Variants in GATAD2A observed in about 807,000 individuals in gnomAD.
GATAD2A encodes the protein GATA zinc finger domain containing 2A.
GATAD2A carries 12 observed loss-of-function variants against 68.5 expected under a neutral mutation model. The observed-to-expected ratio is 0.18, with a 90% CI of 0.11 to 0.28. The LOEUF is 0.28. GATAD2A is among the 10% of genes least tolerant of loss of function. GATAD2A has a pLI of 1.00. For missense variants in GATAD2A, 755 were observed against 868.5 expected (o/e 0.87, Z 1.64); for synonymous variants, 410 against 375.3 (o/e 1.09, Z -1.07).
intron 1 of GATAD2A, chr19:19,458,650 AG>A (rs1159313347): frequency 2.0e-5 from 3 of 152,024 alleles, no homozygotes; most frequent in African/African-American, 7.2e-5. Context: ...CCACTCAGGG[AG>A]GCTTGTGGCC....
intron 2 of GATAD2A, among the ~76,000 whole-genome samples, chr19:19,475,760 CTCCTTGTTCTCT>C (rs2058637888): frequency 6.6e-6 from 1 of 152,208 alleles, no homozygotes; most frequent in African/African-American, 2.4e-5. Flanking sequence ...CGTCTGTCTC[CTCCTTGTTCTCT>C]ATGTCACCCC....
At chr19:19,406,712 G>A (rs1448242019) in intron 1 of GATAD2A, among the ~76,000 whole-genome samples, 1 of 152,198 alleles carries the variant, frequency 6.6e-6, no homozygotes, top group Non-Finnish European at 1.5e-5. Flanking sequence ...GACAGCAGCA[G>A]CTGGCCTTTT....
chr19:19,504,641 T>C (rs1034376893), intron 11 of GATAD2A, among the ~76,000 whole-genome samples: 6 of 77,840 alleles, frequency 7.7e-5, no homozygotes, highest in African/African-American at 5.1e-4. Flanking sequence ...TTTTTTTTCC[T>C]TTTTTTTTTT....
intron 1 of GATAD2A, chr19:19,440,114 T>C (rs752707804): frequency 2.2e-5 from 9 of 405,106 alleles, no homozygotes; most frequent in Admixed American, 3.1e-5. Context: ...GAGTAGGTGA[T>C]GTCTTCATTT....
At chr19:19,435,653 C>T (rs1364338980) in intron 1 of GATAD2A, among the ~76,000 whole-genome samples, 1 of 152,098 alleles carries the variant, frequency 6.6e-6, no homozygotes, top group Non-Finnish European at 1.5e-5. Context: ...AGTTTGAGAC[C>T]AGCCTGGCCA....
chr19:19,388,675 A>G (rs772277805), intron 1 of GATAD2A, among the ~76,000 whole-genome samples: 2 of 151,960 alleles, frequency 1.3e-5, no homozygotes, highest in Non-Finnish European at 2.9e-5. Context: ...GACAAGGGAG[A>G]AACATTGTAT....
chr19:19,433,888 C>A (rs999907906), intron 1 of GATAD2A, among the ~76,000 whole-genome samples: 1 of 152,188 alleles, frequency 6.6e-6, no homozygotes, highest in Non-Finnish European at 1.5e-5. Flanking sequence ...CCCACCTCAA[C>A]CTGAGAAGTA....
rs897776153 is a variant in GATAD2A at position 19,508,381 on chromosome 19, G to A, written c.*2907G>A. On this transcript the variant is annotated 3_prime_UTR_variant, in exon 12 of 12. Transcript: ENST00000683918. ...GAGGTCTGTAGCGGCCCTTCTCAGA[G>A]TGGAACAGCCCACAGTGCTAGTTGT... is the stretch of plus-strand genomic sequence containing the variant. The A allele has an allele frequency of 5.3e-5, 8 of 152,302 alleles. No homozygotes were observed. Among genetic ancestry groups the A allele is most frequent in the African/African-American group, 1.9e-4 (8 of 41,466 alleles). 9.4% of individuals were successfully genotyped at this position (152,302 alleles called of 1,614,324 possible). A position where few individuals can be genotyped will look rare whatever the true frequency, so the allele number is the denominator to read the frequency against.
chr19:19,495,810 G>A lies in GATAD2A; in HGVS notation c.681G>A (p.Gly227=), dbSNP rs1488993604. ...TACCCCCGCCCCTGGTCCGAGGTGG[G>A]CAGCAGGCGTCCTCGAAGCTGGGGC... ...SVIPPPLVRG[G]QQASSKLGPQ... The change falls in exon 6 of 12, where the codon GGG becomes GGA. Residue 227 remains glycine (G), a synonymous_variant. Transcript: ENST00000683918. 1 of 1,613,702 alleles carries A rather than the reference G, an allele frequency of 6.2e-7. No homozygotes were observed. Among genetic ancestry groups the A allele is most frequent in the East Asian group, 2.2e-5 (1 of 44,874 alleles).
intron 2 of GATAD2A, among the ~76,000 whole-genome samples, chr19:19,488,817 G>C (rs1256011649): frequency 1.3e-5 from 2 of 152,274 alleles, no homozygotes; most frequent in South Asian, 4.1e-4. Flanking sequence ...TTACATTAAG[G>C]CTTCTCAAGA....
At position 19,502,511 on chromosome 19, in the gene GATAD2A, A is replaced by G. The variant is rs142116086; in HGVS notation, c.1759A>G (p.Thr587Ala). The G allele has an allele frequency of 4.7e-5, 75 of 1,611,640 alleles. No individual in the cohort carries two copies. The highest frequency in any genetic ancestry group is 6.0e-5 in the Non-Finnish European group (71 of 1,178,994). The change falls in exon 11 of 12, where the codon ACG (threonine) becomes GCG (alanine). Residue 587 changes from threonine (T) to alanine (A), a missense_variant. Thr to Ala is a moderately conservative substitution (Grantham distance 58, BLOSUM62 0). Transcript: ENST00000683918. ...KGSATSNWKKTPLSTGGTLAF... is the reference protein window; with the variant it reads ...KGSATSNWKKAPLSTGGTLAF... Reference sequence around the variant, plus strand: ...CAGCGCCACCTCCAACTGGAAGAAGACGCCCCTCAGCACAGGTGGGTGACC... The same window carrying G: ...CAGCGCCACCTCCAACTGGAAGAAGGCGCCCCTCAGCACAGGTGGGTGACC...
At chr19:19,453,786 C>G (rs910216267) in intron 1 of GATAD2A, among the ~76,000 whole-genome samples, 1 of 151,638 alleles carries the variant, frequency 6.6e-6, no homozygotes, top group African/African-American at 2.4e-5. Flanking sequence ...AAGCAGTTCT[C>G]CCGAGTAGCT....
chr19:19,440,022 G>A (rs1328128971), intron 1 of GATAD2A: 4 of 199,262 alleles, frequency 2.0e-5, no homozygotes, highest in Non-Finnish European at 4.1e-5. Flanking sequence ...TGACTTAGAT[G>A]TGTCAGTGTT....
intron 8 of GATAD2A, 106 bp downstream of exon 8, chr19:19,498,828 G>C: frequency 1.0e-6 from 1 of 988,256 alleles, no homozygotes; most frequent in Non-Finnish European, 1.5e-6. Context: ...GGGCTGCCTA[G>C]CCAGGATGGT....
At chr19:19,435,490 G>A (rs1340870725) in intron 1 of GATAD2A, among the ~76,000 whole-genome samples, 1 of 152,242 alleles carries the variant, frequency 6.6e-6, no homozygotes, top group Non-Finnish European at 1.5e-5. Flanking sequence ...CTCCCAAAGT[G>A]TTGGGACTAC....
intron 1 of GATAD2A, among the ~76,000 whole-genome samples, chr19:19,399,041 AGAGT>A (rs2049496284): frequency 6.6e-6 from 1 of 150,928 alleles, no homozygotes; most frequent in South Asian, 2.1e-4. Flanking sequence ...CCTGGGCGAC[AGAGT>A]GAGACTCCGT....
intron 1 of GATAD2A, among the ~76,000 whole-genome samples, chr19:19,442,945 G>A (rs543482273): frequency 6.6e-6 from 1 of 152,186 alleles, no homozygotes; most frequent in Admixed American, 6.5e-5. Flanking sequence ...CTCCAGGAAC[G>A]AGAGTGTGGG....
At chr19:19,451,346 A>C (rs538070993) in intron 1 of GATAD2A, among the ~76,000 whole-genome samples, 20 of 152,120 alleles carry the variant, frequency 1.3e-4, no homozygotes, top group Non-Finnish European at 2.9e-5. Flanking sequence ...ACGCCACTGC[A>C]CTCCAGCTGG....
At chr19:19,431,397 A>G (rs927216516) in intron 1 of GATAD2A, among the ~76,000 whole-genome samples, 3 of 151,198 alleles carry the variant, frequency 2.0e-5, no homozygotes, top group African/African-American at 7.3e-5. Context: ...CGTCCATTCA[A>G]TAAATATTTA....
Sources: allele counts gnomAD v4.1 joint callset (sites outside exome capture counted in the v4.1 genomes callset), GRCh38; gene constraint gnomAD v4.1.1; transcripts MANE v1.5; gene names NCBI Gene and HGNC (gene_info 2026-07-23, HGNC 2026-07-21).